Variants in SLC35B4 observed in about 807,000 individuals in gnomAD.
The protein encoded by SLC35B4 is nucleotide sugar transporter SLC35B4.
Under a neutral mutation model 39.5 loss-of-function variants are expected in SLC35B4, and 28 were observed. That is an observed-to-expected ratio of 0.71 (90% CI 0.53 to 0.97). The LOEUF (loss-of-function observed/expected upper bound fraction) is 0.97, where lower values mean the gene tolerates loss of function less well. Among genes scored for constraint, SLC35B4 ranks in the 50% least tolerant of loss-of-function variants. The probability of loss-of-function intolerance (pLI) is 0.00; values close to 1 mark genes in which losing one functional copy is unlikely to be tolerated. For missense variants in SLC35B4, 334 were observed against 414.3 expected (o/e 0.81, Z 1.68); for synonymous variants, 145 against 150.4 (o/e 0.96, Z 0.26).
chr7:134,312,972 C>T (rs1173287509), intron 1 of SLC35B4, among the ~76,000 whole-genome samples: 1 of 152,182 alleles, frequency 6.6e-6, no homozygotes, highest in Non-Finnish European at 1.5e-5. Context: ...CTTTCCATTT[C>T]TTCCTTTTCC....
intron 1 of SLC35B4, among the ~76,000 whole-genome samples, chr7:134,315,113 T>G (rs1052952985): frequency 1.3e-5 from 2 of 152,180 alleles, no homozygotes; most frequent in Non-Finnish European, 2.9e-5. Context: ...AGGCACCACA[T>G]GAAGAACTGG....
intron 3 of SLC35B4, among the ~76,000 whole-genome samples, chr7:134,305,565 C>T (rs1242151383): frequency 2.0e-5 from 3 of 152,186 alleles, no homozygotes; most frequent in Non-Finnish European, 4.4e-5. Context: ...CCAGGGCTAG[C>T]ACGAATAAAT....
chr7:134,312,132 A>C (rs1296812614), intron 1 of SLC35B4, among the ~76,000 whole-genome samples: 1 of 152,160 alleles, frequency 6.6e-6, no homozygotes, highest in Non-Finnish European at 1.5e-5. Context: ...AAATATGATG[A>C]CCAGTATTTA....
Position 134,306,785 on chromosome 7 carries a change from G to A in SLC35B4, c.192-11C>T. On this transcript the variant is annotated splice_polypyrimidine_tract_variant and intron_variant, in intron 2 of 9. Transcript: ENST00000378509. Reference sequence around the variant, plus strand: ...ATTATGGCATAGTACCTGAAATGCAGACAGAACAGCTCATCAAACAGAATC... The same window carrying A: ...ATTATGGCATAGTACCTGAAATGCAAACAGAACAGCTCATCAAACAGAATC... 1 of 1,590,366 alleles carries A rather than the reference G, an allele frequency of 6.3e-7. No individual in the cohort carries two copies. The highest frequency in any genetic ancestry group is 8.6e-7 in the Non-Finnish European group (1 of 1,159,796).
chr7:134,311,187 G>A (rs1347242749), intron 1 of SLC35B4, among the ~76,000 whole-genome samples: 1 of 152,128 alleles, frequency 6.6e-6, no homozygotes, highest in Non-Finnish European at 1.5e-5. Context: ...ATGTTCAAAG[G>A]ACAAGGCTAA....
chr7:134,309,067 A>G (rs1803774873), intron 2 of SLC35B4, among the ~76,000 whole-genome samples: 1 of 152,234 alleles, frequency 6.6e-6, no homozygotes, highest in South Asian at 2.1e-4. Flanking sequence ...CACAGAAGAC[A>G]GCACAAAATT....
chr7:134,303,985 T>C (rs572909047), intron 4 of SLC35B4, among the ~76,000 whole-genome samples: 1 of 152,330 alleles, frequency 6.6e-6, no homozygotes, highest in Non-Finnish European at 1.5e-5. Context: ...TCTTCTTGGC[T>C]ATTTGGGCCT....
At chr7:134,306,519 A>C (rs1174135633) in intron 3 of SLC35B4, among the ~76,000 whole-genome samples, 153 bp downstream of exon 3, 1 of 143,366 alleles carries the variant, frequency 7.0e-6, no homozygotes, top group Non-Finnish European at 1.5e-5. Context: ...TTGCCTTCTC[A>C]GATGAAAGCC....
Position 134,292,390 on chromosome 7 carries a change from T to C in SLC35B4, c.*2443A>G, listed in dbSNP as rs531660014. ...TCTGCTTCTATATGTGGTCATCTTG[T>C]GCGAGTGTTCTAATCTAATCTATTC... is the stretch of plus-strand genomic sequence containing the variant. On this transcript the variant is annotated 3_prime_UTR_variant, in exon 10 of 10. Coordinates refer to ENST00000378509, the MANE Select transcript of SLC35B4 (RefSeq NM_032826.5). 7.2e-5 allele frequency: 11 copies of C among 152,490 alleles called. No individual in the cohort carries two copies. The highest frequency in any genetic ancestry group is 3.4e-3 in the Middle Eastern group (1 of 296). The allele number at this position is 152,490 out of a possible 1,614,324, so 9.4% of individuals were successfully genotyped here.
At chr7:134,304,757 G>A in intron 4 of SLC35B4, 48 bp downstream of exon 4, 1 of 1,443,326 alleles carries the variant, frequency 6.9e-7, no homozygotes, top group Non-Finnish European at 9.7e-7. Flanking sequence ...ATGGACAGGG[G>A]CTCAGGGTAT....
chr7:134,317,061 T>A (rs1804004875), upstream of SLC35B4: 5 of 352,352 alleles, frequency 1.4e-5, no homozygotes, highest in South Asian at 1.3e-4. Flanking sequence ...GCCAGGCAGC[T>A]CCGCCAGAGA....
intron 3 of SLC35B4, among the ~76,000 whole-genome samples, chr7:134,306,159 T>G (rs1563217469): frequency 6.6e-6 from 1 of 151,912 alleles, no homozygotes; most frequent in African/African-American, 2.4e-5. Context: ...CACATGGAAA[T>G]GTTATCACCA....
Position 134,299,509 on chromosome 7 carries a change from A to T in SLC35B4, c.673+14T>A. The T allele has an allele frequency of 6.2e-7, 1 of 1,607,088 alleles. No individual in the cohort carries two copies. Among genetic ancestry groups the T allele is most frequent in the Non-Finnish European group, 8.5e-7 (1 of 1,173,766 alleles). On this transcript the variant is annotated intron_variant, in intron 8 of 9. Coordinates refer to ENST00000378509, the MANE Select transcript of SLC35B4 (RefSeq NM_032826.5). ...AAACTGTCAGGTAATTCTACTGTCT[A>T]ACCCCAAACTCACCAGACTTATTGA...
chr7:134,295,140 C>T, intron 9 of SLC35B4, 61 bp from the exon 10 acceptor site: 1 of 1,580,052 alleles, frequency 6.3e-7, no homozygotes, highest in South Asian at 1.2e-5. Context: ...AGTGAGAGAA[C>T]CTTCTGGCAT....
At chr7:134,295,664 C>T (rs777553254) in intron 9 of SLC35B4, among the ~76,000 whole-genome samples, 3 of 152,008 alleles carry the variant, frequency 2.0e-5, no homozygotes, top group Non-Finnish European at 1.5e-5. Flanking sequence ...AAGCTCACTG[C>T]AGCCTCGATC....
Position 134,300,382 on chromosome 7 carries a change from A to G in SLC35B4, c.488-121T>C, listed in dbSNP as rs185767357. 6.4e-6 allele frequency: 4 copies of G among 622,700 alleles called. No homozygotes were observed. The Admixed American group carries it at 9.7e-5, about 15-fold the overall frequency. The allele number at this position is 622,700 out of a possible 1,614,324, so 38.6% of individuals were successfully genotyped here. A position where few individuals can be genotyped will look rare whatever the true frequency, so the allele number is the denominator to read the frequency against. On this transcript the variant is annotated intron_variant, in intron 6 of 9. Coordinates refer to ENST00000378509, the MANE Select transcript of SLC35B4 (RefSeq NM_032826.5). Reference sequence around the variant, plus strand: ...ATGAACTAATTGTAGAACATGTACAAAACTGTAAAAAGAAATAAAAATACA... The same window carrying G: ...ATGAACTAATTGTAGAACATGTACAGAACTGTAAAAAGAAATAAAAATACA...
chr7:134,310,842 C>T (rs111393079), intron 1 of SLC35B4, among the ~76,000 whole-genome samples: 3,996 of 152,188 alleles, frequency 0.026, 114 homozygotes, highest in African/African-American at 0.067. Flanking sequence ...CCACCACACC[C>T]GGCCTCTGTA....
intron 2 of SLC35B4, among the ~76,000 whole-genome samples, chr7:134,307,090 A>T (rs1225590010): frequency 6.6e-6 from 1 of 152,216 alleles, no homozygotes; most frequent in Non-Finnish European, 1.5e-5. Context: ...AGAACTTGAA[A>T]ATGGCTGATT....
intron 1 of SLC35B4, among the ~76,000 whole-genome samples, chr7:134,315,975 G>A (rs1186084728): frequency 4.8e-5 from 7 of 146,098 alleles, no homozygotes; most frequent in Admixed American, 3.5e-4. Flanking sequence ...AGGTCACTTG[G>A]ACCAATCTTC....
Sources: gnomAD v4.1 joint callset for allele counts (sites outside exome capture counted in the v4.1 genomes callset) on GRCh38, gnomAD v4.1.1 for gene constraint, MANE v1.5 for transcripts, NCBI Gene and HGNC (gene_info 2026-07-23, HGNC 2026-07-21) for gene names.